GALNT18: variants seen among roughly 807,000 people sequenced by gnomAD.
GALNT18 encodes the protein polypeptide N-acetylgalactosaminyltransferase 18.
GALNT18 carries 44 observed loss-of-function variants against 69.5 expected under a neutral mutation model. The observed-to-expected ratio is 0.63, with a 90% CI of 0.50 to 0.81. The LOEUF is 0.81. Ranked by LOEUF, GALNT18 falls within the 40% of genes least tolerant of loss-of-function variation. GALNT18 has a pLI of 0.00. For missense variants in GALNT18, 715 were observed against 810.0 expected, an observed-to-expected ratio of 0.88 and a Z score of 1.42; for synonymous variants, 364 against 318.2, an observed-to-expected ratio of 1.14 and a Z score of -1.53.
At chr11:11,460,834 T>C (rs369396486) in intron 1 of GALNT18, among the ~76,000 whole-genome samples, 44 of 152,316 alleles carry the variant, frequency 2.9e-4, no homozygotes, top group African/African-American at 1.0e-3. Flanking sequence ...TGCTTTTATT[T>C]GGGGAGGGGG....
Position 11,436,047 on chromosome 11 carries a change from C to A in GALNT18, c.429-3260G>T, listed in dbSNP as rs534271600. On this transcript the variant is annotated intron_variant, in intron 2 of 10. Transcript: ENST00000227756. This position sits in a 1 kb window ranked among gnomAD's most constrained non-coding sequence, Gnocchi z 4.5. ...GACACCTTTCCTCAGCCTTCAGTTTCTCCACACCTGACCTAATGTGGCCCT... is the reference window on the plus strand; with the variant it reads ...GACACCTTTCCTCAGCCTTCAGTTTATCCACACCTGACCTAATGTGGCCCT... Among the ~76,000 whole-genome samples, 11 of 152,360 alleles carry A rather than the reference C, an allele frequency of 7.2e-5. No individual in the cohort carries two copies. The South Asian group carries it at 2.3e-3, about 32-fold the overall frequency.
chr11:11,505,022 T>C lies in GALNT18; in HGVS notation c.236-56086A>G, dbSNP rs1260165329. ...TAAACACACAACTGCAACATCAAAGTGTTGGAAGCGCTAGAACCCAGATAT... is the reference window on the plus strand; with the variant it reads ...TAAACACACAACTGCAACATCAAAGCGTTGGAAGCGCTAGAACCCAGATAT... On this transcript the variant is annotated intron_variant, in intron 1 of 10. Transcript: ENST00000227756. This position sits in a 1 kb window ranked among gnomAD's most constrained non-coding sequence, Gnocchi z 4.6. Among the ~76,000 whole-genome samples the C allele has an allele frequency of 6.6e-6, 1 of 151,916 alleles. No homozygotes were observed. Among genetic ancestry groups the C allele is most frequent in the Non-Finnish European group, 1.5e-5 (1 of 67,990 alleles).
intron 1 of GALNT18, among the ~76,000 whole-genome samples, chr11:11,451,272 G>A (rs923310419): frequency 6.6e-6 from 1 of 151,988 alleles, no homozygotes; most frequent in African/African-American, 2.4e-5. Context: ...GGAATGGGGG[G>A]TAGTAAAAAT....
rs1857958047 is a variant in GALNT18 at position 11,542,826 on chromosome 11, G to A, written c.235+78533C>T. 1.3e-5 allele frequency among the ~76,000 whole-genome samples: 2 copies of A among 152,182 alleles called. No homozygotes were observed. The stretch of plus-strand genomic sequence containing the variant: ...GCACTTTCCAACACTTTGGTGCTAA[G>A]GTTTTGTTTTGTTTTGCTTTGCTTT... On this transcript the variant is annotated intron_variant, in intron 1 of 10. Coordinates refer to ENST00000227756, the MANE Select transcript of GALNT18 (RefSeq NM_198516.3). This position sits in a 1 kb window ranked among gnomAD's most constrained non-coding sequence, Gnocchi z 4.3.
intron 3 of GALNT18, among the ~76,000 whole-genome samples, chr11:11,405,502 G>C (rs1213626690): frequency 6.6e-6 from 1 of 152,172 alleles, no homozygotes; most frequent in East Asian, 1.9e-4. Flanking sequence ...GTGCACATGA[G>C]TCTGGGGTTC....
At chr11:11,407,551 C>T (rs866696966) in intron 3 of GALNT18, among the ~76,000 whole-genome samples, 6 of 152,206 alleles carry the variant, frequency 3.9e-5, no homozygotes, top group Admixed American at 2.6e-4. Context: ...AGAAACAGCA[C>T]TGCGGAGTGT....
rs1334236748 is a variant in GALNT18 at position 11,347,429 on chromosome 11, C to T, written c.1093-6425G>A. Reference sequence around the variant, plus strand: ...TGAAATCCATTTGCTTGTTAATATCCTTCTGAAGCACTGTGTTGGGAAGAA... The same window carrying T: ...TGAAATCCATTTGCTTGTTAATATCTTTCTGAAGCACTGTGTTGGGAAGAA... On this transcript the variant is annotated intron_variant, in intron 6 of 10. Transcript: ENST00000227756. This position sits in a 1 kb window ranked among gnomAD's most constrained non-coding sequence, Gnocchi z 4.0. Among the ~76,000 whole-genome samples the T allele has an allele frequency of 6.6e-6, 1 of 152,166 alleles. No individual in the cohort carries two copies. The highest frequency in any genetic ancestry group is 1.5e-5 in the Non-Finnish European group (1 of 68,044).
intron 6 of GALNT18, chr11:11,352,936 T>C: frequency 6.2e-7 from 1 of 1,614,196 alleles, no homozygotes; most frequent in Non-Finnish European, 8.5e-7. Flanking sequence ...ACTTTTTCAT[T>C]ATTTGTGATG....
intron 10 of GALNT18, among the ~76,000 whole-genome samples, chr11:11,274,175 G>A (rs962403785): frequency 2.6e-5 from 4 of 152,190 alleles, no homozygotes; most frequent in East Asian, 1.9e-4. Flanking sequence ...CTTTTCCCAC[G>A]GTCTTTGCAA....
intron 5 of GALNT18, among the ~76,000 whole-genome samples, chr11:11,374,001 G>T (rs1200922415): frequency 6.6e-6 from 1 of 152,170 alleles, no homozygotes; most frequent in African/African-American, 2.4e-5. Context: ...GATTTTGCAG[G>T]TCATTTCCCT....
At chr11:11,478,567 G>A (rs1856451879) in intron 1 of GALNT18, among the ~76,000 whole-genome samples, 1 of 152,160 alleles carries the variant, frequency 6.6e-6, no homozygotes, top group Admixed American at 6.5e-5. Flanking sequence ...AGCACTCCTG[G>A]AAACCAAATG....
At chr11:11,311,872 A>G (rs1398663811) in intron 9 of GALNT18, among the ~76,000 whole-genome samples, 1 of 152,232 alleles carries the variant, frequency 6.6e-6, no homozygotes, top group Non-Finnish European at 1.5e-5. Context: ...TTTGCCAGCC[A>G]TGGTGCCAAG....
chr11:11,283,509 G>A (rs1011449730), intron 10 of GALNT18, among the ~76,000 whole-genome samples: 3 of 152,174 alleles, frequency 2.0e-5, no homozygotes, highest in Non-Finnish European at 4.4e-5. Flanking sequence ...TCTGGGTGGT[G>A]CTGTGTTGGG....
chr11:11,440,458 C>T (rs557913145), intron 2 of GALNT18, among the ~76,000 whole-genome samples: 18 of 152,250 alleles, frequency 1.2e-4, no homozygotes, highest in African/African-American at 3.1e-4. Context: ...CTGCTGGGGC[C>T]GGGAAAGGCA....
intron 3 of GALNT18, among the ~76,000 whole-genome samples, chr11:11,406,077 T>C (rs1446616718): frequency 6.6e-6 from 1 of 152,258 alleles, no homozygotes; most frequent in Non-Finnish European, 1.5e-5. Context: ...CCCCACAGTG[T>C]ATCTCCCTAT....
At chr11:11,567,926 C>G (rs1284428844) in intron 1 of GALNT18, among the ~76,000 whole-genome samples, 1 of 152,210 alleles carries the variant, frequency 6.6e-6, no homozygotes, top group Non-Finnish European at 1.5e-5. Context: ...TTAACAGTTA[C>G]CACCCTCACC....
At position 11,613,518 on chromosome 11, in the gene GALNT18, G is replaced by A. The variant is rs149117471; in HGVS notation, c.235+7841C>T. Reference sequence around the variant, plus strand: ...GAATGAATGCAATGTGTTAGGAGGTGCATCCTCCTAGCCCTGCCCTAGGGC... The same window carrying A: ...GAATGAATGCAATGTGTTAGGAGGTACATCCTCCTAGCCCTGCCCTAGGGC... On this transcript the variant is annotated intron_variant, in intron 1 of 10. Coordinates refer to ENST00000227756, the MANE Select transcript of GALNT18 (RefSeq NM_198516.3). The surrounding 1 kb of genome is among the most constrained non-coding windows in gnomAD (Gnocchi z 4.2). 8.5e-4 allele frequency among the ~76,000 whole-genome samples: 130 copies of A among 152,348 alleles called. No individual in the cohort carries two copies. The highest frequency in any genetic ancestry group is 3.4e-3 in the Middle Eastern group (1 of 294).
At chr11:11,357,978 T>C (rs1850564751) in intron 6 of GALNT18, among the ~76,000 whole-genome samples, 1 of 152,206 alleles carries the variant, frequency 6.6e-6, no homozygotes, top group African/African-American at 2.4e-5. Context: ...AGTTCTGAAA[T>C]GCTGCCTTTC....
At chr11:11,277,467 ATTGT>A (rs1327721207) in intron 10 of GALNT18, among the ~76,000 whole-genome samples, 1 of 151,820 alleles carries the variant, frequency 6.6e-6, no homozygotes, top group Non-Finnish European at 1.5e-5. Context: ...GGATTCATTG[ATTGT>A]TTGAAGGGTT....
Sources: allele counts gnomAD v4.1 joint callset (sites outside exome capture counted in the v4.1 genomes callset), GRCh38; gene constraint gnomAD v4.1.1; non-coding constraint Gnocchi (gnomAD v3.1); transcripts MANE v1.5; gene names NCBI Gene and HGNC (gene_info 2026-07-23, HGNC 2026-07-21).